CNTN6: variants seen among roughly 807,000 people sequenced by gnomAD.
CNTN6 encodes the protein contactin-6.
Under a neutral mutation model 122.8 loss-of-function variants are expected in CNTN6, and 137 were observed. That is an observed-to-expected ratio of 1.12 (90% CI 0.97 to 1.29). CNTN6 has a LOEUF of 1.29. Among genes scored for constraint, CNTN6 ranks in the 50% most tolerant of loss-of-function variants. CNTN6 has a pLI of 0.00. For synonymous variants in CNTN6, 570 were observed against 426.0 expected, an observed-to-expected ratio of 1.34 and a Z score of -4.16; for missense variants, 1,634 against 1,223.4, an observed-to-expected ratio of 1.34 and a Z score of -5.01.
rs1156413076 is a variant in CNTN6 at position 1,403,950 on chromosome 3, A to G, written c.*532A>G. 3 of 152,196 alleles carry G rather than the reference A, an allele frequency of 2.0e-5. No individual in the cohort carries two copies. Among genetic ancestry groups the G allele is most frequent in the Non-Finnish European group, 2.9e-5 (2 of 68,038 alleles). The allele number at this position is 152,196 out of a possible 1,614,324, so 9.4% of individuals were successfully genotyped here. A position where few individuals can be genotyped will look rare whatever the true frequency, so the allele number is the denominator to read the frequency against. On this transcript the variant is annotated 3_prime_UTR_variant, in exon 23 of 23. Coordinates refer to ENST00000446702, the MANE Select transcript of CNTN6 (RefSeq NM_001289080.2). Reference sequence around the variant, plus strand: ...AAATCTTTTTACTCAAGAATATTTCAATATACATGATGTTCTTCTCAGCCC... The same window carrying G: ...AAATCTTTTTACTCAAGAATATTTCGATATACATGATGTTCTTCTCAGCCC...
chr3:1,173,725 T>C (rs1256542939), intron 2 of CNTN6, among the ~76,000 whole-genome samples: 1 of 151,718 alleles, frequency 6.6e-6, no homozygotes, highest in Non-Finnish European at 1.5e-5. Context: ...AAAATTGGAT[T>C]ACAAACAAAA....
In CNTN6 at chr3:1,353,606, A is replaced by G. The variant is rs183483314; in HGVS notation, c.1492+1155A>G. Among the ~76,000 whole-genome samples, 6 of 151,778 alleles carry G rather than the reference A, an allele frequency of 4.0e-5. No homozygotes were observed. The East Asian group carries it at 1.2e-3, about 29-fold the overall frequency. On this transcript the variant is annotated intron_variant, in intron 12 of 22. Transcript: ENST00000446702. ...GTGTTTCAAGATAGATGTTATGGCT[A>G]TATTTAGGAACAGACTATTTCTCCA...
At chr3:1,109,863 T>G (rs2091399524) in intron 1 of CNTN6, among the ~76,000 whole-genome samples, 1 of 152,094 alleles carries the variant, frequency 6.6e-6, no homozygotes, top group Admixed American at 6.6e-5. Flanking sequence ...TAAATGCTTC[T>G]TCCCATACTC....
chr3:1,143,854 A>G (rs1048160616), intron 1 of CNTN6, among the ~76,000 whole-genome samples: 3 of 152,220 alleles, frequency 2.0e-5, no homozygotes, highest in Non-Finnish European at 2.9e-5. Context: ...GAATCAAACC[A>G]TCTTAGAATA....
rs535817441 is a variant in CNTN6, at chr3:1,266,557, C to G, written c.359-11856C>G. Among the ~76,000 whole-genome samples, 7 of 152,318 alleles carry G rather than the reference C, an allele frequency of 4.6e-5. No homozygotes were observed. The South Asian group carries it at 1.2e-3, about 27-fold the overall frequency. On this transcript the variant is annotated intron_variant, in intron 4 of 22. Coordinates refer to ENST00000446702, the MANE Select transcript of CNTN6 (RefSeq NM_001289080.2). ...ACCCAGGAGCTCTGTCCCATTACCTCCAAAACTCGGCCTTTTGTATTTTAC... is the reference window on the plus strand; with the variant it reads ...ACCCAGGAGCTCTGTCCCATTACCTGCAAAACTCGGCCTTTTGTATTTTAC...
At chr3:1,234,670 A>C (rs1372682276) in intron 4 of CNTN6, among the ~76,000 whole-genome samples, 2 of 152,074 alleles carry the variant, frequency 1.3e-5, no homozygotes, top group Non-Finnish European at 2.9e-5. Flanking sequence ...AAAATGCTAA[A>C]TGGCTTTTAA....
chr3:1,218,793 G>A (rs979598550), intron 2 of CNTN6, among the ~76,000 whole-genome samples: 20 of 152,218 alleles, frequency 1.3e-4, no homozygotes, highest in African/African-American at 4.1e-4. Context: ...AAAAAAATGA[G>A]TACGGTGAGC....
chr3:1,134,749 A>G (rs2092429613), intron 1 of CNTN6, among the ~76,000 whole-genome samples: 1 of 152,104 alleles, frequency 6.6e-6, no homozygotes, highest in South Asian at 2.1e-4. Context: ...GAGACAATTT[A>G]TTTAAGAAAG....
At chr3:1,094,869 C>T (rs1378925026) in intron 1 of CNTN6, among the ~76,000 whole-genome samples, 1 of 151,532 alleles carries the variant, frequency 6.6e-6, no homozygotes, top group Non-Finnish European at 1.5e-5. Flanking sequence ...CTTATTTATT[C>T]ACTGTTTATT....
intron 17 of CNTN6, among the ~76,000 whole-genome samples, chr3:1,379,454 C>G (rs1449009401): frequency 1.3e-5 from 2 of 152,072 alleles, no homozygotes; most frequent in Non-Finnish European, 2.9e-5. Flanking sequence ...GAAAAACTAG[C>G]TATATTAATG....
Position 1,282,329 on chromosome 3 carries a change from G to A in CNTN6, c.454+3821G>A, listed in dbSNP as rs555785714. ...CCTCTAGAAAGGAAGGGTTTTACAC[G>A]GAAAGGTTATTCTAGCAGAGAAGGC... On this transcript the variant is annotated intron_variant, in intron 5 of 22. Transcript: ENST00000446702. 4.6e-5 allele frequency among the ~76,000 whole-genome samples: 7 copies of A among 152,282 alleles called. No homozygotes were observed. In the South Asian group the frequency reaches 6.2e-4, roughly 14 times the overall value.
chr3:1,395,134 G>C (rs1363904370), intron 20 of CNTN6, among the ~76,000 whole-genome samples: 1 of 151,954 alleles, frequency 6.6e-6, no homozygotes, highest in Admixed American at 6.6e-5. Context: ...AGAATAAGAA[G>C]AATATACAAG....
At chr3:1,365,598 G>A (rs1235375248) in intron 12 of CNTN6, among the ~76,000 whole-genome samples, 1 of 151,896 alleles carries the variant, frequency 6.6e-6, no homozygotes, top group Non-Finnish European at 1.5e-5. Context: ...ATCAAGAAAT[G>A]TTACATGGAT....
At chr3:1,122,105 C>T (rs2091969587) in intron 1 of CNTN6, among the ~76,000 whole-genome samples, 1 of 151,814 alleles carries the variant, frequency 6.6e-6, no homozygotes. Context: ...TCAATTACAG[C>T]AGTAAAATGA....
At chr3:1,118,873 A>C (rs1406677223) in intron 1 of CNTN6, among the ~76,000 whole-genome samples, 1 of 152,070 alleles carries the variant, frequency 6.6e-6, no homozygotes, top group African/African-American at 2.4e-5. Flanking sequence ...AAAAAAAAAC[A>C]AACAAAACAA....
intron 1 of CNTN6, among the ~76,000 whole-genome samples, chr3:1,132,122 G>T (rs796341675): frequency 6.6e-6 from 1 of 152,082 alleles, no homozygotes; most frequent in East Asian, 1.9e-4. Context: ...TCTGGGAATC[G>T]ACAAGCAGAT....
At chr3:1,389,667 C>A (rs567921306) in intron 20 of CNTN6, among the ~76,000 whole-genome samples, 6 of 151,930 alleles carry the variant, frequency 3.9e-5, no homozygotes, top group African/African-American at 1.4e-4. Context: ...ATTCAGGAAA[C>A]CCATCTCACG....
In CNTN6 at chr3:1,300,573, GAAAGAAAGAAA is replaced by G. The variant is rs1217517478; in HGVS notation, c.761+2583_761+2593del. On this transcript the variant is annotated intron_variant, in intron 7 of 22. Coordinates refer to ENST00000446702, the MANE Select transcript of CNTN6 (RefSeq NM_001289080.2). ...AGAGAAAGAAAAAGAAAGAAAGAAA[GAAAGAAAGAAA>G]GAAAGAAAGAAAGAAAGAAAGAGAG... Among the ~76,000 whole-genome samples the G allele has an allele frequency of 3.9e-4, 18 of 45,648 alleles. No homozygotes were observed. In the South Asian group the frequency reaches 6.3e-3, roughly 16 times the overall value. 29.9% of individuals were successfully genotyped at this position (45,648 alleles called of 152,430 possible).
chr3:1,314,148 T>G (rs1699779813), intron 7 of CNTN6, among the ~76,000 whole-genome samples: 1 of 152,244 alleles, frequency 6.6e-6, no homozygotes, highest in Middle Eastern at 3.4e-3. Context: ...ACAGTGAGAT[T>G]GCTTTTCTAC....
Sources: allele counts gnomAD v4.1 joint callset (sites outside exome capture counted in the v4.1 genomes callset), GRCh38; gene constraint gnomAD v4.1.1; transcripts MANE v1.5; gene names NCBI Gene and HGNC (gene_info 2026-07-23, HGNC 2026-07-21).